NRG3: variants seen among roughly 807,000 people sequenced by gnomAD.
NRG3 encodes neuregulin 3.
A neutral mutation model predicts 66.9 loss-of-function variants in NRG3; 31 were observed. The observed-to-expected ratio is 0.46, with a 90% CI of 0.35 to 0.63. The LOEUF (loss-of-function observed/expected upper bound fraction) is 0.63, where lower values mean the gene tolerates loss of function less well. NRG3 is among the 20% of genes least tolerant of loss of function. NRG3 has a pLI of 0.00. For synonymous variants in NRG3, 393 were observed against 359.4 expected, an observed-to-expected ratio of 1.09 and a Z score of -1.06; for missense variants, 910 against 878.9, an observed-to-expected ratio of 1.04 and a Z score of -0.45.
intron 2 of NRG3, among the ~76,000 whole-genome samples, chr10:82,693,233 A>C (rs186823742): frequency 1.6e-4 from 25 of 152,322 alleles, no homozygotes; most frequent in African/African-American, 5.8e-4. Context: ...ACATGATGTC[A>C]AGCCAACAGC....
At chr10:81,896,836 C>G in intron 1 of NRG3, among the ~76,000 whole-genome samples, 1 of 152,176 alleles carries the variant, frequency 6.6e-6, no homozygotes, top group East Asian at 1.9e-4. Flanking sequence ...GCACCTACTA[C>G]TTGCCAGATG....
chr10:82,869,351 T>G (rs1841066073), intron 4 of NRG3, among the ~76,000 whole-genome samples: 1 of 152,140 alleles, frequency 6.6e-6, no homozygotes, highest in Admixed American at 6.5e-5. Flanking sequence ...TTGTTACAAT[T>G]GACAAACCTA....
chr10:82,339,338 C>T (rs1364937365), intron 1 of NRG3, among the ~76,000 whole-genome samples: 2 of 152,154 alleles, frequency 1.3e-5, no homozygotes, highest in Non-Finnish European at 1.5e-5. Flanking sequence ...TTAATTGACT[C>T]ATAGTTCCAC....
At chr10:82,546,953 G>A (rs544930460) in intron 2 of NRG3, among the ~76,000 whole-genome samples, 4 of 152,252 alleles carry the variant, frequency 2.6e-5, no homozygotes, top group African/African-American at 9.6e-5. Flanking sequence ...AAAGAAGAAA[G>A]GGAGGAAGGT....
chr10:82,064,085 C>G (rs1247484973), intron 1 of NRG3, among the ~76,000 whole-genome samples: 1 of 151,656 alleles, frequency 6.6e-6, no homozygotes, highest in Admixed American at 6.6e-5. Context: ...CCCAAACAAA[C>G]TTTTAAAGAT....
chr10:82,076,502 T>G (rs1432445179), intron 1 of NRG3, among the ~76,000 whole-genome samples: 1 of 152,182 alleles, frequency 6.6e-6, no homozygotes, highest in East Asian at 1.9e-4. Flanking sequence ...TTCCGTCAAA[T>G]CTCATGTTGA....
intron 2 of NRG3, among the ~76,000 whole-genome samples, chr10:82,437,440 C>T (rs1375850090): frequency 1.3e-5 from 2 of 151,902 alleles, no homozygotes; most frequent in South Asian, 4.2e-4. Flanking sequence ...ATTCCTCTAA[C>T]CTTTTATGAA....
chr10:82,307,626 C>T (rs537844314), intron 1 of NRG3, among the ~76,000 whole-genome samples: 1 of 152,296 alleles, frequency 6.6e-6, no homozygotes, highest in East Asian at 1.9e-4. Flanking sequence ...AGCACTAAAA[C>T]ATTTTCAATT....
chr10:82,119,253 C>G (rs2132340740), intron 1 of NRG3, among the ~76,000 whole-genome samples: 1 of 152,056 alleles, frequency 6.6e-6, no homozygotes, highest in East Asian at 1.9e-4. Context: ...TGCAATAGAC[C>G]TCAAAACCAC....
intron 2 of NRG3, among the ~76,000 whole-genome samples, chr10:82,636,814 C>CTGTG (rs370092362): frequency 2.1e-4 from 31 of 150,230 alleles, no homozygotes; most frequent in African/African-American, 5.1e-4. Context: ...CTCTTGTGGG[C>CTGTG]TGTGTGTGTG....
chr10:82,455,614 C>CT lies in NRG3; in HGVS notation c.953+96764dup, dbSNP rs35042088. ...CACTGGGCACTTAGATTACACTAAA[C>CT]TTTTTTTTTTTTTTTTTTGAGACGG... On this transcript the variant is annotated intron_variant, in intron 2 of 8. Coordinates refer to ENST00000372141, the MANE Select transcript of NRG3 (RefSeq NM_001010848.4). 8.8e-3 allele frequency among the ~76,000 whole-genome samples: 1,219 copies of CT among 138,170 alleles called. 6 individuals carry two copies. The highest frequency in any genetic ancestry group is 0.019 in the Middle Eastern group (5 of 270). The allele number at this position is 138,170 out of a possible 152,430, so 90.6% of individuals were successfully genotyped here.
At chr10:82,457,895 C>A (rs201986434) in intron 2 of NRG3, among the ~76,000 whole-genome samples, 2 of 152,184 alleles carry the variant, frequency 1.3e-5, no homozygotes, top group African/African-American at 4.8e-5. Context: ...CTAAGAAAAT[C>A]TTAAGGAGGG....
At chr10:82,122,275 C>T (rs1242232110) in intron 1 of NRG3, among the ~76,000 whole-genome samples, 1 of 152,162 alleles carries the variant, frequency 6.6e-6, no homozygotes, top group Non-Finnish European at 1.5e-5. Flanking sequence ...CACTGATCTT[C>T]TTCATAGCAG....
chr10:82,267,595 G>A (rs2078365492), intron 1 of NRG3, among the ~76,000 whole-genome samples: 1 of 152,190 alleles, frequency 6.6e-6, no homozygotes, highest in South Asian at 2.1e-4. Flanking sequence ...CTTCATAGCT[G>A]AGAAAACTCA....
At chr10:82,755,345 G>T (rs1337886576) in intron 3 of NRG3, among the ~76,000 whole-genome samples, 1 of 152,014 alleles carries the variant, frequency 6.6e-6, no homozygotes, top group Non-Finnish European at 1.5e-5. Flanking sequence ...ATAGTAATTT[G>T]TACACTCTTC....
chr10:82,478,678 C>T lies in NRG3; in HGVS notation c.953+119810C>T, dbSNP rs1308449183. On this transcript the variant is annotated intron_variant, in intron 2 of 8. Coordinates refer to ENST00000372141, the MANE Select transcript of NRG3 (RefSeq NM_001010848.4). ...CTTTCTACACAGACACGGCAACCAT[C>T]GGAAAGGTGGGGAAAAGATTGAGAA... Among the ~76,000 whole-genome samples the T allele has an allele frequency of 2.0e-5, 3 of 147,242 alleles. 1 individual carries two copies. The East Asian group carries it at 6.0e-4, about 30-fold the overall frequency.
At chr10:82,414,020 G>A (rs2088330111) in intron 2 of NRG3, among the ~76,000 whole-genome samples, 1 of 152,072 alleles carries the variant, frequency 6.6e-6, no homozygotes, top group Non-Finnish European at 1.5e-5. Flanking sequence ...TTATCTGTGT[G>A]TTCATTGGAG....
intron 2 of NRG3, among the ~76,000 whole-genome samples, chr10:82,478,874 G>A (rs1465595714): frequency 1.3e-5 from 2 of 152,194 alleles, no homozygotes; most frequent in South Asian, 2.1e-4. Flanking sequence ...TTGATTGGGC[G>A]AAGTGGATTA....
intron 3 of NRG3, among the ~76,000 whole-genome samples, chr10:82,789,180 T>G (rs1244935738): frequency 6.6e-6 from 1 of 152,112 alleles, no homozygotes; most frequent in Non-Finnish European, 1.5e-5. Context: ...GTTATTTTAG[T>G]CATTATAATA....
Sources: gnomAD v4.1 joint callset for allele counts (sites outside exome capture counted in the v4.1 genomes callset) on GRCh38, gnomAD v4.1.1 for gene constraint, MANE v1.5 for transcripts, NCBI Gene and HGNC (gene_info 2026-07-23, HGNC 2026-07-21) for gene names.